The following PIK3R5 variants were observed in gnomAD, a reference collection of about 807,000 sequenced individuals.
The protein encoded by PIK3R5 is phosphoinositide-3-kinase regulatory subunit 5.
PIK3R5 carries 32 observed loss-of-function variants against 94.9 expected under a neutral mutation model. The observed-to-expected ratio is 0.34, with a 90% CI of 0.25 to 0.45. PIK3R5 has a LOEUF of 0.45. PIK3R5 is among the 20% of genes least tolerant of loss of function. The pLI, the probability that PIK3R5 is intolerant of heterozygous loss-of-function variation, is 1.00. For synonymous variants in PIK3R5, 443 were observed against 479.4 expected (o/e 0.92, Z 0.99); for missense variants, 853 against 1,144.6 (o/e 0.75, Z 3.68).
chr17:8,881,117 T>G lies in PIK3R5; in HGVS notation c.2383-100A>C, dbSNP rs2089646695. 3 of 889,258 alleles carry G rather than the reference T, an allele frequency of 3.4e-6. No homozygotes were observed. The highest frequency in any genetic ancestry group is 3.7e-5 in the Admixed American group (2 of 54,158). 55.1% of individuals were successfully genotyped at this position (889,258 alleles called of 1,614,324 possible). A position where few individuals can be genotyped will look rare whatever the true frequency, so the allele number is the denominator to read the frequency against. The stretch of plus-strand genomic sequence containing the variant: ...AGAACTGCCCATCCACTTCTAGGGG[T>G]GTGGGAGGGCAGGGGTTTGTCTGAC... On this transcript the variant is annotated intron_variant, in intron 17 of 18. Transcript: ENST00000447110. This position sits in a 1 kb window ranked among gnomAD's most constrained non-coding sequence, Gnocchi z 4.8.
At chr17:8,964,166 G>A (rs1034047343) in intron 1 of PIK3R5, among the ~76,000 whole-genome samples, 15 of 152,094 alleles carry the variant, frequency 9.9e-5, no homozygotes, top group Admixed American at 3.3e-4. Flanking sequence ...CAAGGTAGAC[G>A]GATCGCTTGA....
rs76417507 is a variant in PIK3R5, at chr17:8,925,557, T to C, written c.-13-14050A>G. On this transcript the variant is annotated intron_variant, in intron 1 of 18. Transcript: ENST00000447110. This position sits in a 1 kb window ranked among gnomAD's most constrained non-coding sequence, Gnocchi z 5.1. ...AGTAGATAGATAGTAGATGGATAGA[T>C]AGATAGATAGAGAAAAAAGGAACAC... is the stretch of plus-strand genomic sequence containing the variant. Among the ~76,000 whole-genome samples the C allele has an allele frequency of 9.5e-4, 144 of 152,250 alleles. 3 individuals carry two copies. The East Asian group carries it at 0.024, about 26-fold the overall frequency.
At position 8,925,584 on chromosome 17, in the gene PIK3R5, C is replaced by T. The variant is rs75875712; in HGVS notation, c.-13-14077G>A. ...GATAGATAGAGAAAAAAGGAACACA[C>T]ATGCATACAATCCAAACTGAAACCA... On this transcript the variant is annotated intron_variant, in intron 1 of 18. Transcript: ENST00000447110. This position sits in a 1 kb window ranked among gnomAD's most constrained non-coding sequence, Gnocchi z 5.1. 0.017 allele frequency among the ~76,000 whole-genome samples: 2,566 copies of T among 152,224 alleles called. 71 individuals carry two copies. Among genetic ancestry groups the T allele is most frequent in the African/African-American group, 0.058 (2,390 of 41,520 alleles).
chr17:8,959,044 C>T (rs578090026), intron 1 of PIK3R5, among the ~76,000 whole-genome samples: 3 of 152,188 alleles, frequency 2.0e-5, no homozygotes, highest in Non-Finnish European at 2.9e-5. Context: ...AGGTGTGAGC[C>T]ACCACGCAGG....
rs1597440965 is a variant in PIK3R5 at position 8,959,694 on chromosome 17, C to T, written c.-14+5902G>A. Among the ~76,000 whole-genome samples, 4 of 152,260 alleles carry T rather than the reference C, an allele frequency of 2.6e-5. No homozygotes were observed. In the South Asian group the frequency reaches 8.3e-4, roughly 32 times the overall value. ...CCACCAAGCCATGCAGGAACAAATG[C>T]TCAGGCCAAAAACCCAGTGATACGT... On this transcript the variant is annotated intron_variant, in intron 1 of 18. Coordinates refer to ENST00000447110, the MANE Select transcript of PIK3R5 (RefSeq NM_001142633.3).
chr17:8,886,653 G>T, intron 12 of PIK3R5, 48 bp from the exon 13 acceptor site: 2 of 1,537,242 alleles, frequency 1.3e-6, no homozygotes, highest in South Asian at 1.3e-5. Context: ...TGGGTGGATA[G>T]ATGGTAAGAA....
chr17:8,940,586 A>G (rs1160184447), intron 1 of PIK3R5, among the ~76,000 whole-genome samples: 4 of 152,046 alleles, frequency 2.6e-5, no homozygotes, highest in African/African-American at 9.7e-5. Flanking sequence ...TTTAGAGACA[A>G]AGTTTTGCTC....
Position 8,910,444 on chromosome 17 carries a change from C to A in PIK3R5, c.103+948G>T, listed in dbSNP as rs2090499276. On this transcript the variant is annotated intron_variant, in intron 2 of 18. Coordinates refer to ENST00000447110, the MANE Select transcript of PIK3R5 (RefSeq NM_001142633.3). Reference sequence around the variant, plus strand: ...CCATTTATTGACCACCTACTATGTGCCAATACAGTGCTAGGCCTCTGAATA... The same window carrying A: ...CCATTTATTGACCACCTACTATGTGACAATACAGTGCTAGGCCTCTGAATA... 2.6e-5 allele frequency among the ~76,000 whole-genome samples: 4 copies of A among 152,212 alleles called. No individual in the cohort carries two copies. The South Asian group carries it at 8.3e-4, about 31-fold the overall frequency.
At chr17:8,930,403 A>G (rs2090966871) in intron 1 of PIK3R5, among the ~76,000 whole-genome samples, 1 of 152,260 alleles carries the variant, frequency 6.6e-6, no homozygotes, top group Non-Finnish European at 1.5e-5. Flanking sequence ...ATGAAAATGA[A>G]TGTACAATGT....
chr17:8,880,827 C>T (rs760139049), intron 18 of PIK3R5, 41 bp from the exon 19 acceptor site: 4 of 1,612,880 alleles, frequency 2.5e-6, no homozygotes, highest in Middle Eastern at 1.7e-4. Flanking sequence ...AGCAGGCCCC[C>T]ATCCTTCCAG....
intron 5 of PIK3R5, among the ~76,000 whole-genome samples, chr17:8,895,473 C>T (rs2090133425): frequency 1.3e-5 from 2 of 152,180 alleles, no homozygotes; most frequent in Non-Finnish European, 2.9e-5. Flanking sequence ...CTTCCAACCC[C>T]TCTGCCCTCC....
intron 1 of PIK3R5, among the ~76,000 whole-genome samples, chr17:8,922,839 G>C (rs945005675): frequency 2.0e-5 from 3 of 152,152 alleles, no homozygotes; most frequent in Non-Finnish European, 4.4e-5. Flanking sequence ...AATGTGAAAA[G>C]GTAGGTGGAC....
chr17:8,949,690 A>C (rs2091341333), intron 1 of PIK3R5, among the ~76,000 whole-genome samples: 1 of 152,184 alleles, frequency 6.6e-6, no homozygotes, highest in Non-Finnish European at 1.5e-5. Context: ...ATATGTTCTG[A>C]CTCATAAGTG....
intron 3 of PIK3R5, among the ~76,000 whole-genome samples, chr17:8,906,382 T>C (rs539986546): frequency 1.3e-5 from 2 of 152,356 alleles, no homozygotes; most frequent in South Asian, 2.1e-4. Flanking sequence ...CCACCTTTTT[T>C]CCCTTCTGGT....
chr17:8,889,370 G>C lies in PIK3R5; in HGVS notation c.812-148C>G. ...CTGGATAGGCTGAGGCTGAGTTACA[G>C]CCAGGGTGCCAGGCTCCAAGCCAGA... On this transcript the variant is annotated intron_variant, in intron 8 of 18. Transcript: ENST00000447110. This position sits in a 1 kb window ranked among gnomAD's most constrained non-coding sequence, Gnocchi z 4.1. The C allele has an allele frequency of 1.6e-6, 1 of 621,294 alleles. No individual in the cohort carries two copies. Among genetic ancestry groups the C allele is most frequent in the Non-Finnish European group, 2.8e-6 (1 of 357,326 alleles). The allele number at this position is 621,294 out of a possible 1,614,324, so 38.5% of individuals were successfully genotyped here. A position where few individuals can be genotyped will look rare whatever the true frequency, so the allele number is the denominator to read the frequency against.
intron 1 of PIK3R5, among the ~76,000 whole-genome samples, chr17:8,949,038 AG>A (rs2091328640): frequency 2.0e-5 from 3 of 152,156 alleles, no homozygotes; most frequent in African/African-American, 7.2e-5. Context: ...GGTGAGATTC[AG>A]GCATGAATCT....
intron 1 of PIK3R5, among the ~76,000 whole-genome samples, chr17:8,953,211 G>A (rs2091408080): frequency 6.6e-6 from 1 of 152,140 alleles, no homozygotes; most frequent in African/African-American, 2.4e-5. Context: ...GGCAACTCAA[G>A]TACCCTCTAG....
intron 14 of PIK3R5, chr17:8,885,215 A>C: frequency 5.3e-6 from 1 of 187,620 alleles, no homozygotes; most frequent in Non-Finnish European, 1.1e-5. Flanking sequence ...CCGACCTCCC[A>C]TGTAACCCCC....
intron 5 of PIK3R5, among the ~76,000 whole-genome samples, chr17:8,894,299 G>T (rs569049712): frequency 6.6e-6 from 1 of 152,312 alleles, no homozygotes; most frequent in African/African-American, 2.4e-5. Context: ...GCTACTCCTC[G>T]GTCCCTGCCG....
Sources: gnomAD v4.1 joint callset for allele counts (sites outside exome capture counted in the v4.1 genomes callset) on GRCh38, gnomAD v4.1.1 for gene constraint, Gnocchi (gnomAD v3.1) non-coding constraint, MANE v1.5 for transcripts, NCBI Gene and HGNC (gene_info 2026-07-23, HGNC 2026-07-21) for gene names.